The following OPA1 variants were observed in gnomAD, a reference collection of about 807,000 sequenced individuals.
OPA1 encodes the protein dynamin-like GTPase OPA1, mitochondrial.
Under a neutral mutation model 152.9 loss-of-function variants are expected in OPA1, and 59 were observed. The ratio of observed to expected loss-of-function variants is 0.39; its 90% confidence interval spans 0.31 to 0.48. The LOEUF is 0.48. Ranked by LOEUF, OPA1 falls within the 20% of genes least tolerant of loss-of-function variation. The pLI is 0.96. For synonymous variants in OPA1, 400 were observed against 389.9 expected (o/e 1.03, Z -0.31); for missense variants, 1,008 against 1,216.8 (o/e 0.83, Z 2.55).
intron 29 of OPA1, among the ~76,000 whole-genome samples, chr3:193,687,468 CTTT>C (rs1306738783): frequency 6.6e-6 from 1 of 152,140 alleles, no homozygotes; most frequent in Non-Finnish European, 1.5e-5. Context: ...AAATTTTATT[CTTT>C]ATTTGTGAAT....
chr3:193,615,296 C>T (rs1577156977), intron 2 of OPA1, among the ~76,000 whole-genome samples: 1 of 152,158 alleles, frequency 6.6e-6, no homozygotes, highest in Non-Finnish European at 1.5e-5. Context: ...TGATTTTGAG[C>T]TTAGACATTT....
intron 29 of OPA1, among the ~76,000 whole-genome samples, chr3:193,683,198 T>A (rs543342595): frequency 1.3e-5 from 2 of 152,168 alleles, no homozygotes; most frequent in East Asian, 3.9e-4. Context: ...GAATTAGTTC[T>A]GTTGTAATAT....
intron 8 of OPA1, among the ~76,000 whole-genome samples, chr3:193,634,354 GTGTTT>G (rs773178709): frequency 7.3e-5 from 11 of 151,070 alleles, no homozygotes; most frequent in Non-Finnish European, 1.2e-4. Context: ...TTTGATTTTG[GTGTTT>G]TGTTTTGTTT....
rs1734179748 is a variant in OPA1 at position 193,644,098 on chromosome 3, C to T, written c.1601C>T (p.Pro534Leu). 6.2e-7 allele frequency: 1 copy of T among 1,613,332 alleles called. No homozygotes were observed. ...VDLAEKNVASPSRIQQIIEGK... is the reference protein window; with the variant it reads ...VDLAEKNVASLSRIQQIIEGK... ...CTGGCAGAGAAAAATGTAGCCAGTC[C>T]AAGCAGGGTGAGGTCAAATTCTTTG... Residue 534 changes from proline (P) to leucine (L), a missense_variant, in exon 16 of 31, where the codon CCA becomes CTA. Physicochemically the swap from Pro to Leu is moderately conservative, Grantham distance 98. Around this residue, in one of 7 missense-constraint regions of OPA1, gnomAD observed 213 missense variants for 291.4 expected, o/e 0.73. Coordinates refer to ENST00000361510, the MANE Select transcript of OPA1 (RefSeq NM_130837.3).
At chr3:193,686,476 A>T (rs1392130686) in intron 29 of OPA1, among the ~76,000 whole-genome samples, 1 of 152,204 alleles carries the variant, frequency 6.6e-6, no homozygotes, top group African/African-American at 2.4e-5. Flanking sequence ...GCTAGATTTA[A>T]TCATATTCCT....
chr3:193,623,472 C>G (rs988467295), intron 6 of OPA1, among the ~76,000 whole-genome samples: 3 of 151,424 alleles, frequency 2.0e-5, no homozygotes, highest in Non-Finnish European at 4.4e-5. Flanking sequence ...GGACTTTGTA[C>G]GTGAAATGAG....
chr3:193,637,385 C>T (rs1464861716), intron 10 of OPA1, 104 bp downstream of exon 10: 41 of 612,636 alleles, frequency 6.7e-5, no homozygotes, highest in Non-Finnish European at 2.9e-6. Context: ...TATATACATA[C>T]TAGATGTAGG....
chr3:193,645,701 G>T, intron 17 of OPA1, 27 bp from the exon 18 acceptor site: 1 of 1,611,700 alleles, frequency 6.2e-7, no homozygotes, highest in South Asian at 1.1e-5. Flanking sequence ...TTTTCTTGAT[G>T]AAAATTTGAC....
At chr3:193,616,907 G>A (rs1377251577) in intron 3 of OPA1, among the ~76,000 whole-genome samples, 1 of 152,170 alleles carries the variant, frequency 6.6e-6, no homozygotes, top group East Asian at 1.9e-4. Flanking sequence ...TAATATTAAT[G>A]AGGAGAGCTT....
At chr3:193,607,334 C>G (rs1474607354) in intron 1 of OPA1, among the ~76,000 whole-genome samples, 2 of 152,160 alleles carry the variant, frequency 1.3e-5, no homozygotes, top group Non-Finnish European at 2.9e-5. Flanking sequence ...GACATGAAGT[C>G]CTTGGCCATG....
chr3:193,595,977 A>G (rs1407180817), intron 1 of OPA1, among the ~76,000 whole-genome samples: 1 of 152,154 alleles, frequency 6.6e-6, no homozygotes, highest in Non-Finnish European at 1.5e-5. Context: ...TTATATATGT[A>G]TCTGTACTAA....
chr3:193,630,803 T>G (rs1731959496), intron 7 of OPA1, among the ~76,000 whole-genome samples: 1 of 152,176 alleles, frequency 6.6e-6, no homozygotes, highest in South Asian at 2.1e-4. Context: ...TTATATTTTG[T>G]ATTTATAATT....
chr3:193,668,521 C>T, intron 29 of OPA1: 2 of 1,549,130 alleles, frequency 1.3e-6, no homozygotes, highest in Middle Eastern at 1.7e-4. Context: ...CCGCTAGCCT[C>T]TGCCCGACCC....
At chr3:193,651,600 T>C (rs1220839153) in intron 21 of OPA1, among the ~76,000 whole-genome samples, 1 of 152,202 alleles carries the variant, frequency 6.6e-6, no homozygotes, top group Non-Finnish European at 1.5e-5. Flanking sequence ...TGGAATTATA[T>C]AGTATTTGGT....
intron 9 of OPA1, 66 bp from the exon 10 acceptor site, chr3:193,637,129 C>A: frequency 1.2e-6 from 1 of 806,674 alleles, no homozygotes; most frequent in Non-Finnish European, 2.0e-6. Context: ...TTTCTCTTGA[C>A]ACATCTGTTA....
intron 6 of OPA1, among the ~76,000 whole-genome samples, chr3:193,625,209 G>A (rs1209018199): frequency 6.6e-6 from 1 of 151,864 alleles, no homozygotes; most frequent in African/African-American, 2.4e-5. Flanking sequence ...ATTAAAAATT[G>A]TATCAATATA....
At chr3:193,617,983 TCC>T (rs1729341635) in intron 5 of OPA1, 146 bp downstream of exon 5, 1 of 663,908 alleles carries the variant, frequency 1.5e-6, no homozygotes, top group Middle Eastern at 3.8e-4. Flanking sequence ...AAACTCATTA[TCC>T]TTTAGGTGGA....
Position 193,648,874 on chromosome 3 carries a change from A to G in OPA1, c.2012+3A>G. On this transcript the variant is annotated splice_donor_region_variant and intron_variant, in intron 21 of 30. Transcript: ENST00000361510. Reference sequence around the variant, plus strand: ...AGCCAGGTTACACCAAAACATTGGTAAGTATTTGATATTAATCTCTTTTCT... The same window carrying G: ...AGCCAGGTTACACCAAAACATTGGTGAGTATTTGATATTAATCTCTTTTCT... 1 of 1,568,850 alleles carries G rather than the reference A, an allele frequency of 6.4e-7. No homozygotes were observed. The highest frequency in any genetic ancestry group is 1.7e-5 in the Admixed American group (1 of 59,948).
chr3:193,628,546 C>CAGA (rs1731545896), intron 7 of OPA1: 1 of 152,144 alleles, frequency 6.6e-6, no homozygotes. Context: ...GCTCTTTCTC[C>CAGA]ATCAGTTTCA....
Sources: allele counts gnomAD v4.1 joint callset (sites outside exome capture counted in the v4.1 genomes callset), GRCh38; gene constraint gnomAD v4.1.1; regional missense constraint gnomAD v4.1.1; transcripts MANE v1.5; gene names NCBI Gene and HGNC (gene_info 2026-07-23, HGNC 2026-07-21).